SGCD: variants seen among roughly 807,000 people sequenced by gnomAD.
The protein encoded by SGCD is delta-sarcoglycan.
SGCD carries 18 observed loss-of-function variants against 36.6 expected under a neutral mutation model. That is an observed-to-expected ratio of 0.49 (90% CI 0.34 to 0.73). SGCD has a LOEUF of 0.73. Ranked by LOEUF, SGCD falls within the 30% of genes least tolerant of loss-of-function variation. The pLI is 0.01. For synonymous variants in SGCD, 133 were observed against 130.6 expected (o/e 1.02, Z -0.12); for missense variants, 387 against 346.7 (o/e 1.12, Z -0.92).
At chr5:156,176,744 A>G (rs111511541) in intron 3 of SGCD, among the ~76,000 whole-genome samples, 2,595 of 152,260 alleles carry the variant, frequency 0.017, 78 homozygotes, top group African/African-American at 0.059. Context: ...ACAGCTGAAA[A>G]ATTGTTGGTA....
In SGCD at chr5:156,388,224, A is replaced by G. The variant is rs142615925; in HGVS notation, c.192+43547A>G. 3.9e-3 allele frequency among the ~76,000 whole-genome samples: 593 copies of G among 152,360 alleles called. 1 individual carries two copies. Among genetic ancestry groups the G allele is most frequent in the Non-Finnish European group, 7.1e-3 (484 of 68,034 alleles). On this transcript the variant is annotated intron_variant, in intron 3 of 8. Transcript: ENST00000337851. The stretch of plus-strand genomic sequence containing the variant: ...TAGCCGGGCAAGGCAGCTATTGAGA[A>G]ATTCAAGAAGTGAGTGGAAGAACTG...
intron 1 of SGCD, among the ~76,000 whole-genome samples, chr5:155,955,950 G>A (rs1355920633): frequency 6.6e-6 from 1 of 152,142 alleles, no homozygotes; most frequent in Non-Finnish European, 1.5e-5. Context: ...TGTAAAGTGT[G>A]TAAGATTGGC....
intron 3 of SGCD, among the ~76,000 whole-genome samples, chr5:156,239,365 C>G (rs1042555658): frequency 1.4e-5 from 2 of 141,912 alleles, no homozygotes; most frequent in African/African-American, 5.3e-5. Context: ...GCGCCACTGC[C>G]CTCCAACCTG....
At chr5:155,924,761 T>C (rs1756961397) in intron 1 of SGCD, among the ~76,000 whole-genome samples, 1 of 152,220 alleles carries the variant, frequency 6.6e-6, no homozygotes, top group Non-Finnish European at 1.5e-5. Flanking sequence ...GGCTAAATTT[T>C]CATTATTTGT....
intron 3 of SGCD, among the ~76,000 whole-genome samples, chr5:156,190,087 G>A (rs1763853641): frequency 6.6e-6 from 1 of 152,106 alleles, no homozygotes; most frequent in South Asian, 2.1e-4. Context: ...ACCTAGAGTG[G>A]AATTGGGTGT....
chr5:155,795,745 G>A, the SGCD span, among the ~76,000 whole-genome samples: 2 of 152,058 alleles, frequency 1.3e-5, no homozygotes, highest in African/African-American at 2.4e-5. Context: ...AGTATGTACT[G>A]CTTATGAGAG....
intron 4 of SGCD, among the ~76,000 whole-genome samples, chr5:156,524,227 G>A (rs1361882543): frequency 7.8e-6 from 1 of 128,440 alleles, no homozygotes; most frequent in South Asian, 2.5e-4. Flanking sequence ...TATATATAAA[G>A]AGAGAGTAAT....
At chr5:156,757,962 A>C in intron 8 of SGCD, 2 of 1,252,498 alleles carry the variant, frequency 1.6e-6, no homozygotes, top group Non-Finnish European at 2.0e-6. Flanking sequence ...CATGAAAATG[A>C]ATGCTATTTT....
At chr5:156,564,316 G>A (rs1484512126) in intron 4 of SGCD, among the ~76,000 whole-genome samples, 3 of 152,084 alleles carry the variant, frequency 2.0e-5, no homozygotes, top group Non-Finnish European at 4.4e-5. Flanking sequence ...CGGGCTTGGT[G>A]GCAGGTGCCT....
rs370767101 is a variant in SGCD, at chr5:156,719,739, T to C, written c.576-37842T>C. On this transcript the variant is annotated intron_variant, in intron 7 of 8. Transcript: ENST00000337851. ...CAGAACATCCACTAGTGAAGGTCTG[T>C]AAGAGGGGTGATAGGTAGAGGGAAC... 1.2e-3 allele frequency among the ~76,000 whole-genome samples: 175 copies of C among 151,838 alleles called. 2 individuals are homozygous for C. In the South Asian group the frequency reaches 0.035, roughly 31 times the overall value.
At chr5:156,746,794 T>C (rs1408574026) in intron 7 of SGCD, among the ~76,000 whole-genome samples, 1 of 152,148 alleles carries the variant, frequency 6.6e-6, no homozygotes, top group East Asian at 1.9e-4. Flanking sequence ...CTTTGTGACC[T>C]TGGGGTAGTC....
At chr5:156,289,397 C>A (rs1300111052) in intron 3 of SGCD, among the ~76,000 whole-genome samples, 1 of 151,732 alleles carries the variant, frequency 6.6e-6, no homozygotes, top group Admixed American at 6.6e-5. Flanking sequence ...CTGCCCCTAC[C>A]AACCCATCAC....
intron 3 of SGCD, among the ~76,000 whole-genome samples, chr5:156,361,248 G>C (rs1769777649): frequency 6.6e-6 from 1 of 152,172 alleles, no homozygotes; most frequent in African/African-American, 2.4e-5. Context: ...TCCAATGAAG[G>C]GGCCAAGAAA....
intron 3 of SGCD, among the ~76,000 whole-genome samples, chr5:156,190,948 T>G (rs1434455465): frequency 6.6e-6 from 1 of 152,154 alleles, no homozygotes; most frequent in East Asian, 1.9e-4. Context: ...ATTTGTATAT[T>G]TTCCATGTAA....
chr5:156,454,371 G>A (rs897366136), intron 3 of SGCD, among the ~76,000 whole-genome samples: 2 of 152,130 alleles, frequency 1.3e-5, no homozygotes, highest in Non-Finnish European at 2.9e-5. Context: ...AGAGTAACAA[G>A]AAGACATAAG....
chr5:156,217,770 A>T (rs570762584), intron 3 of SGCD, among the ~76,000 whole-genome samples: 2 of 152,152 alleles, frequency 1.3e-5, no homozygotes, highest in Non-Finnish European at 2.9e-5. Context: ...ATAGCCAGGT[A>T]AAAAGAGAGT....
At chr5:155,868,276 T>C (rs1755564634), upstream of SGCD, among the ~76,000 whole-genome samples, 1 of 151,774 alleles carries the variant, frequency 6.6e-6, no homozygotes. Context: ...GGTCTCAAGC[T>C]CCTGGCCTCA....
chr5:156,733,385 C>T (rs1487642069), intron 7 of SGCD, among the ~76,000 whole-genome samples: 1 of 151,768 alleles, frequency 6.6e-6, no homozygotes, highest in Non-Finnish European at 1.5e-5. Flanking sequence ...GTTTGAGAGA[C>T]TGTTATTATT....
At chr5:155,952,974 C>T (rs1757575234) in intron 1 of SGCD, among the ~76,000 whole-genome samples, 1 of 152,156 alleles carries the variant, frequency 6.6e-6, no homozygotes, top group South Asian at 2.1e-4. Context: ...GGAAATGCAG[C>T]TCGACCTTTA....
Sources: gnomAD v4.1 joint callset for allele counts (sites outside exome capture counted in the v4.1 genomes callset) on GRCh38, gnomAD v4.1.1 for gene constraint, MANE v1.5 for transcripts, NCBI Gene and HGNC (gene_info 2026-07-23, HGNC 2026-07-21) for gene names.